Variants in DPYSL3 observed in about 807,000 individuals in gnomAD.
The protein encoded by DPYSL3 is dihydropyrimidinase like 3, also known as dihydropyrimidinase-related protein 3.
In DPYSL3, 16 loss-of-function variants were observed where a neutral mutation model predicts 66.1. The ratio of observed to expected loss-of-function variants is 0.24; its 90% CI spans 0.16 to 0.37. DPYSL3 has a LOEUF of 0.37. Among genes scored for constraint, DPYSL3 ranks in the 10% least tolerant of loss-of-function variants. The pLI is 1.00. For missense variants in DPYSL3, 738 were observed against 916.2 expected (o/e 0.81, Z 2.51); for synonymous variants, 338 against 345.1 (o/e 0.98, Z 0.23).
At position 147,391,256 on chromosome 5, in the gene DPYSL3, A is replaced by G. The variant is rs554721306; in HGVS notation, c.*2779T>C. 2 of 152,704 alleles carry G rather than the reference A, an allele frequency of 1.3e-5. No individual in the cohort carries two copies. Among genetic ancestry groups the G allele is most frequent in the South Asian group, 4.1e-4 (2 of 4,832 alleles). 9.5% of individuals were successfully genotyped at this position (152,704 alleles called of 1,614,324 possible). A position where few individuals can be genotyped will look rare whatever the true frequency, so the allele number is the denominator to read the frequency against. On this transcript the variant is annotated 3_prime_UTR_variant, in exon 14 of 14. Transcript: ENST00000343218. ...CTCTCAGTATAGACAGTCGTGAAGAACAAGGCTGAGGGATTTTGAAGTAAA... is the reference window on the plus strand; with the variant it reads ...CTCTCAGTATAGACAGTCGTGAAGAGCAAGGCTGAGGGATTTTGAAGTAAA...
At chr5:147,441,240 A>G (rs1377842443) in intron 1 of DPYSL3, among the ~76,000 whole-genome samples, 1 of 152,174 alleles carries the variant, frequency 6.6e-6, no homozygotes, top group Non-Finnish European at 1.5e-5. Context: ...AACAACAGAA[A>G]CTTATCTTCC....
intron 1 of DPYSL3, among the ~76,000 whole-genome samples, chr5:147,451,594 C>T (rs1334748232): frequency 6.6e-6 from 1 of 152,120 alleles, no homozygotes; most frequent in Non-Finnish European, 1.5e-5. Flanking sequence ...TGTCATGTCA[C>T]AGGCTGAGTC....
chr5:147,458,207 C>T (rs1040796089), intron 1 of DPYSL3, among the ~76,000 whole-genome samples: 1 of 152,070 alleles, frequency 6.6e-6, no homozygotes, highest in African/African-American at 2.4e-5. Flanking sequence ...AGGAGGTCGG[C>T]ACAAGATACA....
intron 1 of DPYSL3, among the ~76,000 whole-genome samples, chr5:147,437,621 T>C (rs1319369125): frequency 6.6e-6 from 1 of 152,154 alleles, no homozygotes; most frequent in Non-Finnish European, 1.5e-5. Flanking sequence ...GAAGGAATTG[T>C]CTCAAAGACC....
intron 1 of DPYSL3, among the ~76,000 whole-genome samples, chr5:147,442,778 T>C (rs1752557780): frequency 6.6e-6 from 1 of 151,408 alleles, no homozygotes; most frequent in South Asian, 2.1e-4. Flanking sequence ...TATTGTGCAA[T>C]GAAAAGTAAG....
At chr5:147,422,550 A>T (rs1024479168) in intron 2 of DPYSL3, among the ~76,000 whole-genome samples, 1 of 152,192 alleles carries the variant, frequency 6.6e-6, no homozygotes, top group Non-Finnish European at 1.5e-5. Context: ...ACACATGCAC[A>T]CGTATGTTTA....
At chr5:147,466,008 T>C (rs1179549157) in intron 1 of DPYSL3, among the ~76,000 whole-genome samples, 1 of 152,206 alleles carries the variant, frequency 6.6e-6, no homozygotes, top group Non-Finnish European at 1.5e-5. Context: ...AATATGTACA[T>C]GGACAGACAT....
intron 1 of DPYSL3, among the ~76,000 whole-genome samples, chr5:147,436,330 A>G (rs1752414445): frequency 2.0e-5 from 3 of 152,254 alleles, no homozygotes; most frequent in African/African-American, 7.2e-5. Context: ...CTTTAAATCT[A>G]TATCATGAAC....
rs767815553 is a variant in DPYSL3 at position 147,413,676 on chromosome 5, A to C, written c.821-19T>G. 3.8e-6 allele frequency: 6 copies of C among 1,596,190 alleles called. No homozygotes were observed. The Admixed American group carries it at 8.4e-5, about 22-fold the overall frequency. ...TTAACCCCTGCAAAAGAGGGACAGGAGGAAAAACAAGAGAAAGACAACATT... is the reference window on the plus strand; with the variant it reads ...TTAACCCCTGCAAAAGAGGGACAGGCGGAAAAACAAGAGAAAGACAACATT... On this transcript the variant is annotated intron_variant, in intron 4 of 13. Coordinates refer to ENST00000343218, the MANE Select transcript of DPYSL3 (RefSeq NM_001197294.2).
intron 1 of DPYSL3, among the ~76,000 whole-genome samples, chr5:147,444,783 C>G (rs1411511437): frequency 2.6e-5 from 4 of 152,110 alleles, no homozygotes; most frequent in African/African-American, 9.7e-5. Flanking sequence ...TCAGAGAAAG[C>G]TGACAGGTGC....
intron 1 of DPYSL3, among the ~76,000 whole-genome samples, chr5:147,459,080 C>T (rs1752895323): frequency 6.7e-6 from 1 of 149,508 alleles, no homozygotes; most frequent in African/African-American, 2.5e-5. Flanking sequence ...GGAGTGGAGT[C>T]GCATCAATGG....
intron 1 of DPYSL3, among the ~76,000 whole-genome samples, chr5:147,442,466 G>C: frequency 6.6e-6 from 1 of 152,182 alleles, no homozygotes; most frequent in East Asian, 1.9e-4. Flanking sequence ...AAGAATATAA[G>C]GCTAAGAGTA....
chr5:147,497,776 A>G (rs1412353666), intron 1 of DPYSL3, among the ~76,000 whole-genome samples: 1 of 152,156 alleles, frequency 6.6e-6, no homozygotes, highest in Non-Finnish European at 1.5e-5. Flanking sequence ...AATACGCTCA[A>G]AAAAACCTAC....
intron 2 of DPYSL3, among the ~76,000 whole-genome samples, chr5:147,422,112 G>C (rs112408527): frequency 0.046 from 6,981 of 151,772 alleles, 385 homozygotes; most frequent in East Asian, 0.17. Flanking sequence ...TGACAAAGGG[G>C]TAATACCCAG....
intron 1 of DPYSL3, among the ~76,000 whole-genome samples, chr5:147,452,038 A>T (rs970025789): frequency 2.0e-5 from 3 of 152,172 alleles, no homozygotes; most frequent in Non-Finnish European, 4.4e-5. Context: ...TGCTGGCCTC[A>T]ACTCTTCTCC....
chr5:147,432,832 G>T (rs1242923289), intron 1 of DPYSL3, among the ~76,000 whole-genome samples: 1 of 152,146 alleles, frequency 6.6e-6, no homozygotes, highest in Non-Finnish European at 1.5e-5. Flanking sequence ...TTCTAAACTA[G>T]TATTACTTGC....
chr5:147,492,526 T>C (rs1407284936), intron 1 of DPYSL3, among the ~76,000 whole-genome samples: 3 of 152,104 alleles, frequency 2.0e-5, no homozygotes, highest in Non-Finnish European at 4.4e-5. Context: ...ATACAAGAGA[T>C]AGGAGAAAAT....
At chr5:147,433,485 T>G (rs1323201699) in intron 1 of DPYSL3, among the ~76,000 whole-genome samples, 1 of 152,124 alleles carries the variant, frequency 6.6e-6, no homozygotes, top group East Asian at 1.9e-4. Context: ...TAGCAGTTTT[T>G]GAAGCTACCC....
At chr5:147,479,134 T>C (rs550990289) in intron 1 of DPYSL3, among the ~76,000 whole-genome samples, 1 of 152,326 alleles carries the variant, frequency 6.6e-6, no homozygotes, top group South Asian at 2.1e-4. Flanking sequence ...GTTTTCAAAC[T>C]GTGAAGCATT....
Sources: allele counts gnomAD v4.1 joint callset (sites outside exome capture counted in the v4.1 genomes callset), GRCh38; gene constraint gnomAD v4.1.1; transcripts MANE v1.5; gene names NCBI Gene and HGNC (gene_info 2026-07-23, HGNC 2026-07-21).